Variants in INSYN2A observed in about 807,000 individuals in gnomAD.
The protein encoded by INSYN2A is inhibitory synaptic factor 2A, also known as family with sequence similarity 196 member A.
In INSYN2A, 17 loss-of-function variants were observed where a neutral mutation model predicts 39.4. That is an observed-to-expected ratio of 0.43 (90% confidence interval 0.30 to 0.65). The LOEUF is 0.65. Ranked by LOEUF, INSYN2A falls within the 30% of genes least tolerant of loss-of-function variation. The pLI is 0.14. For synonymous variants in INSYN2A, 255 were observed against 265.7 expected, an observed-to-expected ratio of 0.96 and a Z score of 0.39; for missense variants, 595 against 631.2, an observed-to-expected ratio of 0.94 and a Z score of 0.61.
At chr10:127,171,612 G>C (rs988747495) in intron 4 of INSYN2A, among the ~76,000 whole-genome samples, 10 of 152,298 alleles carry the variant, frequency 6.6e-5, no homozygotes, top group African/African-American at 2.2e-4. Context: ...GGTGGCAAGT[G>C]GGGAGAGGAA....
chr10:127,188,956 G>A (rs892894163), intron 2 of INSYN2A, among the ~76,000 whole-genome samples: 1 of 152,224 alleles, frequency 6.6e-6, no homozygotes. Flanking sequence ...CTGGCCTGGA[G>A]CCTGTTACCG....
intron 5 of INSYN2A, among the ~76,000 whole-genome samples, chr10:127,141,140 T>G (rs1361340754): frequency 6.6e-6 from 1 of 152,200 alleles, no homozygotes; most frequent in Non-Finnish European, 1.5e-5. Flanking sequence ...GTTTCTCAGG[T>G]CCACATAACC....
At chr10:127,181,742 G>A (rs553460545) in intron 2 of INSYN2A, among the ~76,000 whole-genome samples, 3 of 152,220 alleles carry the variant, frequency 2.0e-5, no homozygotes, top group East Asian at 1.9e-4. Context: ...CTTCACCACC[G>A]GCTTCCACCG....
intron 2 of INSYN2A, among the ~76,000 whole-genome samples, chr10:127,191,339 G>A (rs1305704002): frequency 2.0e-5 from 3 of 152,046 alleles, no homozygotes; most frequent in Non-Finnish European, 4.4e-5. Flanking sequence ...ACATTGCCTT[G>A]GCCACTGCTG....
At position 127,158,279 on chromosome 10, in the gene INSYN2A, C is replaced by T. The variant is rs532724014; in HGVS notation, c.1185-4356G>A. Reference sequence around the variant, plus strand: ...ATATTGCCATTGCCATAAGGAAGAACAACCTAAAAACTTTAAACTGCTAGA... The same window carrying T: ...ATATTGCCATTGCCATAAGGAAGAATAACCTAAAAACTTTAAACTGCTAGA... On this transcript the variant is annotated intron_variant, in intron 4 of 5. Transcript: ENST00000522781. Among the ~76,000 whole-genome samples the T allele has an allele frequency of 7.2e-5, 11 of 152,274 alleles. No homozygotes were observed. In the South Asian group the frequency reaches 2.1e-3, roughly 29 times the overall value.
chr10:127,148,294 G>A (rs558223358), intron 5 of INSYN2A, among the ~76,000 whole-genome samples: 20 of 152,296 alleles, frequency 1.3e-4, no homozygotes, highest in African/African-American at 3.6e-4. Context: ...CAGACACAGC[G>A]TGCTCCGGGA....
intron 4 of INSYN2A, among the ~76,000 whole-genome samples, chr10:127,170,043 G>A (rs1231155088): frequency 6.6e-6 from 1 of 151,726 alleles, no homozygotes; most frequent in Non-Finnish European, 1.5e-5. Context: ...GGGAGAGCTG[G>A]CCTCACACCA....
chr10:127,176,337 G>C lies in INSYN2A; in HGVS notation c.59C>G (p.Pro20Arg), dbSNP rs755543710. Residue 20 changes from proline to arginine, a missense_variant, in exon 4 of 6, where the codon CCC (proline) becomes CGC (arginine). Pro to Arg is a moderately radical substitution (Grantham distance 103, BLOSUM62 -2). Transcript: ENST00000522781. The surrounding 1 kb of genome is among the most constrained non-coding windows in gnomAD (Gnocchi z 4.4). Reference protein sequence around the residue: ...ILTTSESEVEPAACLALEMKY... With the variant: ...ILTTSESEVERAACLALEMKY... ...CATCTCCAGGGCCAGGCAGGCGGCG[G>C]GTTCCACTTCACTCTCCGACGTTGT... is the stretch of plus-strand genomic sequence containing the variant. 6 of 1,613,894 alleles carry C rather than the reference G, an allele frequency of 3.7e-6. No homozygotes were observed. The highest frequency in any genetic ancestry group is 2.2e-5 in the South Asian group (2 of 91,064).
intron 4 of INSYN2A, among the ~76,000 whole-genome samples, chr10:127,166,287 G>A (rs1002051310): frequency 1.3e-5 from 2 of 151,894 alleles, no homozygotes; most frequent in Non-Finnish European, 2.9e-5. Context: ...GGATGGTCTC[G>A]ATCTCCTGAC....
In INSYN2A at chr10:127,176,045, C is replaced by T. The variant is rs768912755; in HGVS notation, c.351G>A (p.Thr117=). The T allele has an allele frequency of 1.5e-5, 24 of 1,613,982 alleles. No individual in the cohort carries two copies. Among genetic ancestry groups the T allele is most frequent in the Middle Eastern group, 1.6e-4 (1 of 6,084 alleles). The change falls in exon 4 of 6, where the codon ACG becomes ACA. Residue 117 remains threonine (T), a synonymous_variant. Coordinates refer to ENST00000522781, the MANE Select transcript of INSYN2A (RefSeq NM_001039762.3). The surrounding 1 kb of genome is among the most constrained non-coding windows in gnomAD (Gnocchi z 4.4). ...TSPDLKKCYQ[T]FPLDRKKGNL... is the part of the protein sequence containing the mutation. ...TCCCCTTTTTGCGGTCCAGAGGGAA[C>T]GTCTGGTAACACTTCTTAAGGTCGG...
chr10:127,194,984 G>A (rs2057007022), intron 1 of INSYN2A, among the ~76,000 whole-genome samples: 1 of 111,362 alleles, frequency 9.0e-6, no homozygotes, highest in Non-Finnish European at 1.9e-5. Context: ...AGGGGTCCGG[G>A]CGGGAGCCCT....
chr10:127,167,714 T>C (rs1420431643), intron 4 of INSYN2A, among the ~76,000 whole-genome samples: 1 of 152,058 alleles, frequency 6.6e-6, no homozygotes, highest in African/African-American at 2.4e-5. Flanking sequence ...TGACGCTACA[T>C]CAGCTCCCCT....
Position 127,160,310 on chromosome 10 carries a change from C to T in INSYN2A, c.1185-6387G>A, listed in dbSNP as rs552920892. ...TGATGTAAATGTGCTGTTTTTACTG[C>T]CATAGTCTCACAACACTGTTTCCTT... On this transcript the variant is annotated intron_variant, in intron 4 of 5. Coordinates refer to ENST00000522781, the MANE Select transcript of INSYN2A (RefSeq NM_001039762.3). Among the ~76,000 whole-genome samples, 2 of 152,270 alleles carry T rather than the reference C, an allele frequency of 1.3e-5. 1 individual carries two copies. The highest frequency in any genetic ancestry group is 4.8e-5 in the African/African-American group (2 of 41,554).
chr10:127,170,272 C>T (rs557303984), intron 4 of INSYN2A, among the ~76,000 whole-genome samples: 5 of 152,222 alleles, frequency 3.3e-5, no homozygotes, highest in South Asian at 4.2e-4. Context: ...CACAAAGCCC[C>T]GAAGCCTCAG....
intron 2 of INSYN2A, among the ~76,000 whole-genome samples, chr10:127,180,616 G>A (rs562826372): frequency 4.6e-5 from 7 of 152,236 alleles, no homozygotes; most frequent in Middle Eastern, 3.4e-3. Flanking sequence ...GATTAGTGAC[G>A]GAGAACCATC....
rs551807342 is a variant in INSYN2A, at chr10:127,175,905, G to A, written c.491C>T (p.Ala164Val). 172 of 1,614,150 alleles carry A rather than the reference G, an allele frequency of 1.1e-4. No individual in the cohort carries two copies. The highest frequency in any genetic ancestry group is 8.2e-4 in the South Asian group (75 of 91,082). ...GGCTGTGGTCTTGTGCACCCGCCCC[G>A]CGCCACATGGCCGGGCCTCCTCCAT... is the stretch of plus-strand genomic sequence containing the variant. ...GPMEEARPCGAGRVHKTTALV... is the reference protein window; with the variant it reads ...GPMEEARPCGVGRVHKTTALV... Residue 164 changes from alanine (A) to valine (V), a missense_variant, in exon 4 of 6, where the codon GCG (alanine) becomes GTG (valine). Physicochemically the swap from Ala to Val is moderately conservative, Grantham distance 64. Around this residue, in one of 2 missense-constraint regions of INSYN2A, gnomAD observed 478 missense variants for 467.4 expected, o/e 1.02. Coordinates refer to ENST00000522781, the MANE Select transcript of INSYN2A (RefSeq NM_001039762.3). This position sits in a 1 kb window ranked among gnomAD's most constrained non-coding sequence, Gnocchi z 6.3.
At chr10:127,146,816 G>C (rs1018056102) in intron 5 of INSYN2A, among the ~76,000 whole-genome samples, 2 of 152,124 alleles carry the variant, frequency 1.3e-5, no homozygotes, top group African/African-American at 4.8e-5. Context: ...AGTGGGCTCC[G>C]GACAGGCTGG....
chr10:127,174,028 C>T (rs941708227), intron 4 of INSYN2A, among the ~76,000 whole-genome samples: 5 of 152,230 alleles, frequency 3.3e-5, no homozygotes, highest in Non-Finnish European at 7.3e-5. Context: ...CCTCAGCCTC[C>T]ACCTTAAGGC....
chr10:127,170,370 C>T (rs777121286), intron 4 of INSYN2A, among the ~76,000 whole-genome samples: 12 of 152,174 alleles, frequency 7.9e-5, no homozygotes, highest in Non-Finnish European at 1.8e-4. Flanking sequence ...TAACACCCAG[C>T]AAATGCTGAG....
Sources: gnomAD v4.1 joint callset for allele counts (sites outside exome capture counted in the v4.1 genomes callset) on GRCh38, gnomAD v4.1.1 for gene constraint, gnomAD v4.1.1 regional missense constraint, Gnocchi (gnomAD v3.1) non-coding constraint, MANE v1.5 for transcripts, NCBI Gene and HGNC (gene_info 2026-07-23, HGNC 2026-07-21) for gene names.